NEGR1: variants seen among roughly 807,000 people sequenced by gnomAD.
NEGR1 encodes neuronal growth regulator 1.
In NEGR1, 10 loss-of-function variants were observed where a neutral mutation model predicts 40.9. The observed-to-expected ratio is 0.24, with a 90% CI of 0.15 to 0.42. The LOEUF is 0.42. Ranked by LOEUF, NEGR1 falls within the 10% of genes least tolerant of loss-of-function variation. NEGR1 has a pLI of 1.00. For missense variants in NEGR1, 352 were observed against 438.9 expected (o/e 0.80, Z 1.77); for synonymous variants, 185 against 166.8 (o/e 1.11, Z -0.84).
intron 4 of NEGR1, among the ~76,000 whole-genome samples, chr1:71,665,745 T>C (rs187495171): frequency 0.014 from 2,187 of 152,304 alleles, 20 homozygotes; most frequent in Non-Finnish European, 0.022. Flanking sequence ...ATTTGGAGAC[T>C]GATTATAGCT....
chr1:71,997,864 AT>A (rs1646518522), intron 1 of NEGR1, among the ~76,000 whole-genome samples: 1 of 152,048 alleles, frequency 6.6e-6, no homozygotes, highest in East Asian at 1.9e-4. Context: ...AATCTCCAGC[AT>A]TTTTGCCAGT....
intron 1 of NEGR1, among the ~76,000 whole-genome samples, chr1:72,015,234 C>G (rs41528452): frequency 0.099 from 14,993 of 151,948 alleles, 831 homozygotes; most frequent in Middle Eastern, 0.18. Flanking sequence ...GAATGAAAGG[C>G]CTTATTGCTG....
chr1:71,771,122 TA>T (rs929837838), intron 3 of NEGR1, among the ~76,000 whole-genome samples: 3 of 152,024 alleles, frequency 2.0e-5, no homozygotes, highest in Non-Finnish European at 4.4e-5. Context: ...TATGCAGCCA[TA>T]AAAAAGATGA....
chr1:71,814,729 T>C (rs1272823747), intron 2 of NEGR1, among the ~76,000 whole-genome samples: 1 of 152,168 alleles, frequency 6.6e-6, no homozygotes, highest in Non-Finnish European at 1.5e-5. Context: ...CTGATGTTTG[T>C]TTGCATTTCT....
At chr1:71,664,709 G>A (rs533210934) in intron 4 of NEGR1, among the ~76,000 whole-genome samples, 1 of 151,976 alleles carries the variant, frequency 6.6e-6, no homozygotes, top group Admixed American at 6.6e-5. Context: ...CCCTCTCAGT[G>A]CTATTTGGCT....
chr1:72,005,197 T>C (rs1015890300), intron 1 of NEGR1, among the ~76,000 whole-genome samples: 3 of 152,124 alleles, frequency 2.0e-5, no homozygotes, highest in African/African-American at 7.2e-5. Context: ...TTTTTGGCTA[T>C]GATATTTCTA....
At chr1:72,164,650 T>G (rs1450278506) in intron 1 of NEGR1, among the ~76,000 whole-genome samples, 1 of 152,112 alleles carries the variant, frequency 6.6e-6, no homozygotes, top group Admixed American at 6.6e-5. Context: ...GACCTAACAC[T>G]TAATTTTCTA....
At chr1:71,942,909 C>T (rs921376752) in intron 1 of NEGR1, among the ~76,000 whole-genome samples, 1 of 149,622 alleles carries the variant, frequency 6.7e-6, no homozygotes, top group Non-Finnish European at 1.5e-5. Context: ...TCAAGCAATC[C>T]TCCTGCCTCA....
intron 1 of NEGR1, among the ~76,000 whole-genome samples, chr1:72,000,127 T>C (rs1054160055): frequency 1.3e-5 from 2 of 152,092 alleles, no homozygotes; most frequent in Non-Finnish European, 2.9e-5. Flanking sequence ...TTCTGAAAAC[T>C]GGCATATCAT....
At position 72,119,779 on chromosome 1, in the gene NEGR1, G is replaced by A. The variant is rs528714834; in HGVS notation, c.176+162540C>T. ...TGACCAGGACAGCCTCCCAAAACAAGTAATTATTCAGCCCAAAATGTCAAT... is the reference window on the plus strand; with the variant it reads ...TGACCAGGACAGCCTCCCAAAACAAATAATTATTCAGCCCAAAATGTCAAT... On this transcript the variant is annotated intron_variant, in intron 1 of 6. Transcript: ENST00000357731. Among the ~76,000 whole-genome samples the A allele has an allele frequency of 1.1e-4, 17 of 151,992 alleles. No individual in the cohort carries two copies. The South Asian group carries it at 3.3e-3, about 30-fold the overall frequency.
chr1:71,966,758 A>C (rs931430531), intron 1 of NEGR1, among the ~76,000 whole-genome samples: 18 of 152,194 alleles, frequency 1.2e-4, no homozygotes, highest in African/African-American at 4.3e-4. Context: ...AAATTCCTGC[A>C]GGTGATGACA....
chr1:72,120,417 C>A (rs1010734409), intron 1 of NEGR1, among the ~76,000 whole-genome samples: 1 of 151,876 alleles, frequency 6.6e-6, no homozygotes, highest in Non-Finnish European at 1.5e-5. Context: ...TGTAAATAAA[C>A]TCAGCAATTA....
chr1:71,581,147 G>C (rs773698984), intron 6 of NEGR1, among the ~76,000 whole-genome samples: 1 of 152,062 alleles, frequency 6.6e-6, no homozygotes, highest in South Asian at 2.1e-4. Flanking sequence ...TTATAAAATG[G>C]TGTGTGATAT....
chr1:72,010,927 G>A (rs1646651855), intron 1 of NEGR1, among the ~76,000 whole-genome samples: 1 of 152,068 alleles, frequency 6.6e-6, no homozygotes. Context: ...TTCAACCTGA[G>A]ATCCCTTGTT....
At chr1:72,154,698 T>A (rs1430208424) in intron 1 of NEGR1, among the ~76,000 whole-genome samples, 1 of 152,046 alleles carries the variant, frequency 6.6e-6, no homozygotes, top group East Asian at 1.9e-4. Context: ...TCTTATTACA[T>A]CTTAAGATCG....
chr1:72,204,957 A>C (rs909107120), intron 1 of NEGR1, among the ~76,000 whole-genome samples: 7 of 152,158 alleles, frequency 4.6e-5, no homozygotes, highest in Admixed American at 2.6e-4. Flanking sequence ...TGCTTAAAAA[A>C]TAAAATCATA....
chr1:71,735,922 T>C (rs974604868), intron 3 of NEGR1, among the ~76,000 whole-genome samples: 13 of 152,088 alleles, frequency 8.5e-5, no homozygotes, highest in Non-Finnish European at 1.9e-4. Flanking sequence ...AGTCATCTAC[T>C]TTGTAATCAT....
chr1:72,183,241 A>C (rs1652456799), intron 1 of NEGR1, among the ~76,000 whole-genome samples: 1 of 152,120 alleles, frequency 6.6e-6, no homozygotes, highest in Non-Finnish European at 1.5e-5. Flanking sequence ...TTTCACATCC[A>C]ACACAGTATC....
chr1:71,748,859 G>T (rs1292952243), intron 3 of NEGR1, among the ~76,000 whole-genome samples: 1 of 152,008 alleles, frequency 6.6e-6, no homozygotes, highest in Non-Finnish European at 1.5e-5. Flanking sequence ...TGTTTCTTAT[G>T]ATTCACACAG....
Sources: gnomAD v4.1 joint callset for allele counts (sites outside exome capture counted in the v4.1 genomes callset) on GRCh38, gnomAD v4.1.1 for gene constraint, MANE v1.5 for transcripts, NCBI Gene and HGNC (gene_info 2026-07-23, HGNC 2026-07-21) for gene names.